Variants in NBAS observed in about 807,000 individuals in gnomAD.
NBAS encodes NAG/BC035112 fusion.
In NBAS, 219 loss-of-function variants were observed where a neutral mutation model predicts 302.5. The observed-to-expected ratio is 0.72, with a 90% CI of 0.65 to 0.81. NBAS has a LOEUF of 0.81. NBAS is among the 30% of genes least tolerant of loss of function. The pLI is 0.00. For missense variants in NBAS, 2,932 were observed against 2,841.6 expected (o/e 1.03, Z -0.72); for synonymous variants, 1,118 against 1,021.6 (o/e 1.09, Z -1.80).
At chr2:14,892,816 C>A in the NBAS span, among the ~76,000 whole-genome samples, 2 of 151,924 alleles carry the variant, frequency 1.3e-5, no homozygotes, top group Non-Finnish European at 2.9e-5. Flanking sequence ...TGTTTGGATT[C>A]GATTTTTATC....
At chr2:15,045,685 A>C in the NBAS span, among the ~76,000 whole-genome samples, 1 of 152,172 alleles carries the variant, frequency 6.6e-6, no homozygotes, top group Non-Finnish European at 1.5e-5. Flanking sequence ...AGAAGTGCAG[A>C]TATCTCTATG....
At chr2:15,243,270 T>C (rs1443131180) in intron 44 of NBAS, among the ~76,000 whole-genome samples, 3 of 152,114 alleles carry the variant, frequency 2.0e-5, no homozygotes, top group Non-Finnish European at 4.4e-5. Flanking sequence ...TGAGCAGAAG[T>C]GACATATACC....
chr2:14,965,242 A>T, the NBAS span, among the ~76,000 whole-genome samples: 2 of 152,160 alleles, frequency 1.3e-5, no homozygotes, highest in Non-Finnish European at 2.9e-5. Flanking sequence ...AATCAACGCA[A>T]CTAAAATCTA....
At chr2:15,455,643 C>A (rs9287660) in intron 21 of NBAS, among the ~76,000 whole-genome samples, 94,508 of 151,234 alleles carry the variant, frequency 0.62, 30,263 homozygotes, top group Middle Eastern at 0.68. Flanking sequence ...GTTGATATAC[C>A]TTAACTCATT....
chr2:15,302,357 G>A (rs1670842076), intron 40 of NBAS, among the ~76,000 whole-genome samples: 1 of 152,214 alleles, frequency 6.6e-6, no homozygotes. Context: ...CTACCAGAGA[G>A]CACCTCTTTC....
intron 32 of NBAS, among the ~76,000 whole-genome samples, chr2:15,357,876 T>C (rs1182768214): frequency 6.6e-6 from 1 of 152,172 alleles, no homozygotes; most frequent in African/African-American, 2.4e-5. Context: ...CACACCACTA[T>C]CTTGCTGGCA....
At chr2:15,345,900 T>C (rs965155919) in intron 35 of NBAS, among the ~76,000 whole-genome samples, 5 of 152,090 alleles carry the variant, frequency 3.3e-5, no homozygotes, top group Non-Finnish European at 5.9e-5. Flanking sequence ...AAAGAAGAAA[T>C]GGGGAAAGGA....
intron 20 of NBAS, 135 bp from the exon 21 acceptor site, chr2:15,461,472 C>A: frequency 1.1e-6 from 1 of 950,598 alleles, no homozygotes; most frequent in Non-Finnish European, 1.7e-6. Flanking sequence ...CTAGTTTTTC[C>A]TAGCCTATAT....
chr2:14,821,522 T>C, the NBAS span, among the ~76,000 whole-genome samples: 1 of 152,154 alleles, frequency 6.6e-6, no homozygotes, highest in African/African-American at 2.4e-5. Context: ...CCTGAATTTA[T>C]TGAATCTCAA....
chr2:15,461,637 TTA>T (rs1457968970), intron 20 of NBAS, 48 bp downstream of exon 20: 2 of 1,104,362 alleles, frequency 1.8e-6, no homozygotes, highest in African/African-American at 3.1e-5. Flanking sequence ...GCTCAAAGAT[TTA>T]GAGAGTGTTA....
At chr2:15,146,979 T>C in the NBAS span, among the ~76,000 whole-genome samples, 3 of 152,148 alleles carry the variant, frequency 2.0e-5, no homozygotes, top group African/African-American at 7.2e-5. Flanking sequence ...GAGGACAGGG[T>C]TGCTCTGTCT....
chr2:14,833,883 T>A, the NBAS span, among the ~76,000 whole-genome samples: 5 of 152,118 alleles, frequency 3.3e-5, no homozygotes, highest in African/African-American at 9.7e-5. Flanking sequence ...TGCAAAATGA[T>A]CATCTGCTAT....
At chr2:15,001,265 A>T in the NBAS span, among the ~76,000 whole-genome samples, 2 of 152,036 alleles carry the variant, frequency 1.3e-5, no homozygotes, top group Non-Finnish European at 2.9e-5. Context: ...AGAGAGAGAG[A>T]TATGTTATAT....
the NBAS span, among the ~76,000 whole-genome samples, chr2:15,108,703 A>T: frequency 1.3e-5 from 2 of 152,152 alleles, no homozygotes; most frequent in Non-Finnish European, 2.9e-5. Flanking sequence ...TGTGAAGTTC[A>T]TAGTTTTGAA....
chr2:15,304,192 G>T (rs1037383820), intron 40 of NBAS, among the ~76,000 whole-genome samples: 2 of 152,144 alleles, frequency 1.3e-5, no homozygotes, highest in Non-Finnish European at 1.5e-5. Flanking sequence ...CCCCCATGCC[G>T]TTCTGGTGGT....
chr2:15,258,112 C>T (rs1572541399), intron 44 of NBAS, among the ~76,000 whole-genome samples: 2 of 152,272 alleles, frequency 1.3e-5, no homozygotes, highest in Admixed American at 6.5e-5. Flanking sequence ...GGCAGAGGAA[C>T]ATAAATTGTG....
chr2:15,238,047 T>C (rs1394397121), intron 45 of NBAS, among the ~76,000 whole-genome samples: 1 of 152,142 alleles, frequency 6.6e-6, no homozygotes, highest in East Asian at 1.9e-4. Flanking sequence ...AGTGCTGGGA[T>C]TACAGGAGTG....
At chr2:15,102,184 A>G in the NBAS span, among the ~76,000 whole-genome samples, 5 of 152,172 alleles carry the variant, frequency 3.3e-5, no homozygotes, top group African/African-American at 4.8e-5. Flanking sequence ...ATGACCTGAG[A>G]TGAGCTCAAA....
chr2:15,050,642 G>T, the NBAS span, among the ~76,000 whole-genome samples: 1 of 152,192 alleles, frequency 6.6e-6, no homozygotes, highest in Admixed American at 6.5e-5. Context: ...CTCCCCTCTG[G>T]AGCCCTAGAG....
Sources: gnomAD v4.1 joint callset for allele counts (sites outside exome capture counted in the v4.1 genomes callset) on GRCh38, gnomAD v4.1.1 for gene constraint, MANE v1.5 for transcripts, NCBI Gene and HGNC (gene_info 2026-07-23, HGNC 2026-07-21) for gene names.